PARD3B: variants seen among roughly 807,000 people sequenced by gnomAD.
The protein encoded by PARD3B is partitioning defective 3 homolog B.
Under a neutral mutation model 130.2 loss-of-function variants are expected in PARD3B, and 103 were observed. The observed-to-expected ratio is 0.79, with a 90% confidence interval of 0.67 to 0.93. The LOEUF (loss-of-function observed/expected upper bound fraction) is 0.93, where lower values mean the gene tolerates loss of function less well. Among genes scored for constraint, PARD3B ranks in the 40% least tolerant of loss-of-function variants. The pLI is 0.00. For synonymous variants in PARD3B, 583 were observed against 553.2 expected (o/e 1.05, Z -0.76); for missense variants, 1,609 against 1,499.2 (o/e 1.07, Z -1.21).
At chr2:205,538,386 T>C (rs1035156618) in intron 21 of PARD3B, among the ~76,000 whole-genome samples, 27 of 152,094 alleles carry the variant, frequency 1.8e-4, no homozygotes, top group African/African-American at 6.0e-4. Context: ...TGACTGTAGA[T>C]TGTGAAAGGC....
intron 20 of PARD3B, among the ~76,000 whole-genome samples, chr2:205,449,996 G>A (rs1430659432): frequency 6.6e-6 from 1 of 152,168 alleles, no homozygotes; most frequent in East Asian, 1.9e-4. Context: ...TGAGACTATA[G>A]ATTTATCTTT....
intron 21 of PARD3B, among the ~76,000 whole-genome samples, chr2:205,524,182 G>A (rs1400996928): frequency 6.6e-6 from 1 of 152,064 alleles, no homozygotes; most frequent in Non-Finnish European, 1.5e-5. Context: ...TTTGGTCTCT[G>A]CATTCATTTT....
chr2:205,055,403 G>A (rs946225490), intron 4 of PARD3B, among the ~76,000 whole-genome samples: 1 of 152,096 alleles, frequency 6.6e-6, no homozygotes, highest in African/African-American at 2.4e-5. Flanking sequence ...CATTTACGAC[G>A]TGTTTCTTGG....
At chr2:204,883,677 C>A (rs756299105) in intron 2 of PARD3B, among the ~76,000 whole-genome samples, 5 of 151,574 alleles carry the variant, frequency 3.3e-5, no homozygotes, top group Non-Finnish European at 5.9e-5. Context: ...AACTCCTAAC[C>A]TTGTGATCCG....
At chr2:204,963,680 A>T (rs1052052591) in intron 2 of PARD3B, among the ~76,000 whole-genome samples, 1 of 152,232 alleles carries the variant, frequency 6.6e-6, no homozygotes, top group African/African-American at 2.4e-5. Context: ...ATGATGAGAA[A>T]GATATCGTTC....
intron 2 of PARD3B, among the ~76,000 whole-genome samples, chr2:204,865,001 A>T (rs1325963704): frequency 6.6e-6 from 1 of 152,222 alleles, no homozygotes; most frequent in Non-Finnish European, 1.5e-5. Context: ...AGACATACAG[A>T]TGGCCAAGAA....
At chr2:205,522,431 C>G (rs553950496) in intron 21 of PARD3B, among the ~76,000 whole-genome samples, 2 of 151,728 alleles carry the variant, frequency 1.3e-5, no homozygotes, top group Non-Finnish European at 2.9e-5. Flanking sequence ...TCAAGGACAG[C>G]GACGTCTCCC....
intron 15 of PARD3B, among the ~76,000 whole-genome samples, chr2:205,240,567 G>A (rs553178197): frequency 6.6e-6 from 1 of 152,176 alleles, no homozygotes; most frequent in East Asian, 1.9e-4. Context: ...TTCCCCATTC[G>A]TGATATAGTG....
At chr2:204,773,930 T>C (rs1268708296) in intron 2 of PARD3B, among the ~76,000 whole-genome samples, 1 of 152,116 alleles carries the variant, frequency 6.6e-6, no homozygotes, top group Non-Finnish European at 1.5e-5. Flanking sequence ...GTGCTTGTCA[T>C]GGGTGTCGAC....
At chr2:205,588,590 A>G (rs1316544156) in intron 22 of PARD3B, among the ~76,000 whole-genome samples, 2 of 152,188 alleles carry the variant, frequency 1.3e-5, no homozygotes, top group African/African-American at 2.4e-5. Flanking sequence ...GGCCAAAAAA[A>G]TGAATCAATG....
chr2:204,679,685 T>C (rs2036729892), intron 1 of PARD3B, among the ~76,000 whole-genome samples: 1 of 152,096 alleles, frequency 6.6e-6, no homozygotes, highest in African/African-American at 2.4e-5. Flanking sequence ...TTTTTTTTAA[T>C]CTTTAACTGG....
At chr2:204,654,314 G>T (rs2035577491) in intron 1 of PARD3B, among the ~76,000 whole-genome samples, 1 of 151,192 alleles carries the variant, frequency 6.6e-6, no homozygotes, top group African/African-American at 2.5e-5. Context: ...AATAAAAGGG[G>T]TTAGTTTCTA....
At chr2:205,035,877 A>G (rs1428902123) in intron 3 of PARD3B, among the ~76,000 whole-genome samples, 1 of 138,700 alleles carries the variant, frequency 7.2e-6, no homozygotes, top group Non-Finnish European at 1.5e-5. Flanking sequence ...TATATAAAAT[A>G]TATAATATAT....
At chr2:204,818,598 G>A (rs1003029590) in intron 2 of PARD3B, among the ~76,000 whole-genome samples, 5 of 152,178 alleles carry the variant, frequency 3.3e-5, no homozygotes, top group Admixed American at 3.3e-4. Flanking sequence ...TATTATAAAT[G>A]CAGTCATAAA....
chr2:205,181,012 A>C (rs1409530454), intron 13 of PARD3B, among the ~76,000 whole-genome samples: 1 of 152,086 alleles, frequency 6.6e-6, no homozygotes, highest in Non-Finnish European at 1.5e-5. Flanking sequence ...TCTGGTTAGC[A>C]TTACCTCTCA....
At position 204,906,757 on chromosome 2, in the gene PARD3B, G is replaced by A. The variant is rs16836734; in HGVS notation, c.223-58395G>A. On this transcript the variant is annotated intron_variant, in intron 2 of 22. Coordinates refer to ENST00000406610, the MANE Select transcript of PARD3B (RefSeq NM_001302769.2). The surrounding 1 kb of genome is among the most constrained non-coding windows in gnomAD (Gnocchi z 4.3). Reference sequence around the variant, plus strand: ...TTCTTTGTAATGTGGTCACCAGGTTGTGTTTTTTTCAGGCTTAATTTTATG... The same window carrying A: ...TTCTTTGTAATGTGGTCACCAGGTTATGTTTTTTTCAGGCTTAATTTTATG... Among the ~76,000 whole-genome samples the A allele has an allele frequency of 0.069, 10,549 of 152,180 alleles. 445 individuals are homozygous for A. Among genetic ancestry groups the A allele is most frequent in the Middle Eastern group, 0.11 (33 of 294 alleles).
At chr2:205,316,018 A>G (rs1362160443) in intron 18 of PARD3B, among the ~76,000 whole-genome samples, 1 of 151,810 alleles carries the variant, frequency 6.6e-6, no homozygotes, top group Admixed American at 6.6e-5. Flanking sequence ...CTTCCTCTGC[A>G]ATGTTTTTCT....
intron 2 of PARD3B, among the ~76,000 whole-genome samples, chr2:204,916,229 G>T (rs563947875): frequency 7.2e-5 from 11 of 152,180 alleles, no homozygotes; most frequent in Non-Finnish European, 1.0e-4. Context: ...AACACCTTCA[G>T]CAGTAAGAAT....
At position 205,591,347 on chromosome 2, in the gene PARD3B, A is replaced by T. The variant is rs1226989737; in HGVS notation, c.3261-24109A>T. 6.6e-6 allele frequency among the ~76,000 whole-genome samples: 1 copy of T among 152,214 alleles called. No individual in the cohort carries two copies. Among genetic ancestry groups the T allele is most frequent in the African/African-American group, 2.4e-5 (1 of 41,452 alleles). ...TTGGAGGAGAAATAAGCCTCTAAACATATTTGAATATTTGAAAGACTGAGA... is the reference window on the plus strand; with the variant it reads ...TTGGAGGAGAAATAAGCCTCTAAACTTATTTGAATATTTGAAAGACTGAGA... On this transcript the variant is annotated intron_variant, in intron 22 of 22. Coordinates refer to ENST00000406610, the MANE Select transcript of PARD3B (RefSeq NM_001302769.2). The surrounding 1 kb of genome is among the most constrained non-coding windows in gnomAD (Gnocchi z 4.2).
Sources: gnomAD v4.1 joint callset for allele counts (sites outside exome capture counted in the v4.1 genomes callset) on GRCh38, gnomAD v4.1.1 for gene constraint, Gnocchi (gnomAD v3.1) non-coding constraint, MANE v1.5 for transcripts, NCBI Gene and HGNC (gene_info 2026-07-23, HGNC 2026-07-21) for gene names.